BPI: variants seen among roughly 807,000 people sequenced by gnomAD.
The protein encoded by BPI is bactericidal permeability increasing protein.
In BPI, 48 loss-of-function variants were observed where a neutral mutation model predicts 57.6. The observed-to-expected ratio is 0.83, with a 90% CI of 0.66 to 1.06. BPI has a LOEUF of 1.06. Ranked by LOEUF, BPI falls within the 50% of genes least tolerant of loss-of-function variation. The probability of loss-of-function intolerance (pLI) is 0.00; values close to 1 mark genes in which losing one functional copy is unlikely to be tolerated. For missense variants in BPI, 651 were observed against 609.7 expected, an observed-to-expected ratio of 1.07 and a Z score of -0.71; for synonymous variants, 237 against 238.2, an observed-to-expected ratio of 0.99 and a Z score of 0.05.
chr20:38,316,720 C>A (rs545233232), intron 5 of BPI, among the ~76,000 whole-genome samples: 1 of 152,142 alleles, frequency 6.6e-6, no homozygotes, highest in African/African-American at 2.4e-5. Context: ...GTCCCAGAAG[C>A]GGGAAGAAGG....
At chr20:38,318,730 C>A (rs533494568) in intron 6 of BPI, among the ~76,000 whole-genome samples, 4 of 152,278 alleles carry the variant, frequency 2.6e-5, no homozygotes, top group African/African-American at 9.6e-5. Context: ...CAACAAAATA[C>A]CCCCAGCTCT....
chr20:38,304,440 C>G (rs2076587663), intron 1 of BPI, 87 bp downstream of exon 1: 8 of 1,524,024 alleles, frequency 5.2e-6, no homozygotes, highest in Admixed American at 2.1e-5. Context: ...GATCCAGCAC[C>G]TGGCACACTC....
In BPI at chr20:38,311,954, GC is replaced by G; in HGVS notation, c.600+21del. ...AACAGCCAGGTAGGAGGGGCTCAGA[GC>G]CCCATCAGCAAACAGAGGAGAAGGG... On this transcript the variant is annotated intron_variant, in intron 5 of 14. Transcript: ENST00000642449. The G allele has an allele frequency of 6.2e-7, 1 of 1,612,774 alleles. No individual in the cohort carries two copies. Among genetic ancestry groups the G allele is most frequent in the Non-Finnish European group, 8.5e-7 (1 of 1,179,118 alleles).
chr20:38,334,053 A>G (rs563884161), intron 12 of BPI, among the ~76,000 whole-genome samples: 1 of 152,278 alleles, frequency 6.6e-6, no homozygotes, highest in Admixed American at 6.5e-5. Flanking sequence ...AATAGCCGTC[A>G]AAGAGGTTGA....
Position 38,327,670 on chromosome 20 carries a change from G to T in BPI, c.1229+15G>T. The T allele has an allele frequency of 6.2e-7, 1 of 1,613,138 alleles. No individual in the cohort carries two copies. Among genetic ancestry groups the T allele is most frequent in the East Asian group, 2.2e-5 (1 of 44,840 alleles). ...AAGCTGGATAGGTAAGTGGGCCTGT[G>T]AGAGGAGGAGGGGGCTGCCCCTCTG... On this transcript the variant is annotated intron_variant, in intron 11 of 14. Transcript: ENST00000642449.
chr20:38,317,524 C>G (rs1283987376), intron 5 of BPI: 1 of 633,278 alleles, frequency 1.6e-6, no homozygotes, highest in East Asian at 2.8e-5. Flanking sequence ...CATGGTCTCT[C>G]CACAGGGCTT....
rs1045515504 is a variant in BPI, at chr20:38,304,365, C to T, written c.130+12C>T. On this transcript the variant is annotated intron_variant, in intron 1 of 14. Transcript: ENST00000642449. ...GGGCCTGGACTACGGTAACTGGATG[C>T]CTCCCTTCCCTCCTCTCCACCCCTG... The T allele has an allele frequency of 3.7e-6, 6 of 1,611,062 alleles. No individual in the cohort carries two copies. The highest frequency in any genetic ancestry group is 1.3e-5 in the African/African-American group (1 of 74,886).
intron 1 of BPI, among the ~76,000 whole-genome samples, chr20:38,307,007 C>T (rs1056972483): frequency 4.1e-4 from 62 of 152,014 alleles, no homozygotes; most frequent in African/African-American, 1.4e-3. Context: ...CATGGTGAAA[C>T]CCCAGATCTC....
At chr20:38,325,043 G>A (rs1456552430) in intron 9 of BPI, among the ~76,000 whole-genome samples, 2 of 152,222 alleles carry the variant, frequency 1.3e-5, no homozygotes, top group Admixed American at 1.3e-4. Context: ...ATGCTGGCAG[G>A]AGGTGGAGGG....
intron 6 of BPI, 44 bp from the exon 7 acceptor site, chr20:38,320,139 G>A (rs1462221149): frequency 1.3e-6 from 2 of 1,501,724 alleles, no homozygotes; most frequent in Admixed American, 1.7e-5. Flanking sequence ...TTCCAGCGAT[G>A]CTGCCGTGGG....
In BPI at chr20:38,327,740, G is replaced by C; in HGVS notation, c.1229+85G>C. On this transcript the variant is annotated intron_variant, in intron 11 of 14. Coordinates refer to ENST00000642449, the MANE Select transcript of BPI (RefSeq NM_001725.3). ...GACAGTGGTCCTGTGATATACAGAAGCACTGCATTGTTGTTTTCCTGTTGG... is the reference window on the plus strand; with the variant it reads ...GACAGTGGTCCTGTGATATACAGAACCACTGCATTGTTGTTTTCCTGTTGG... 2.1e-6 allele frequency: 3 copies of C among 1,455,138 alleles called. No individual in the cohort carries two copies. In the South Asian group the frequency reaches 3.5e-5, roughly 17 times the overall value. The allele number at this position is 1,455,138 out of a possible 1,614,324, so 90.1% of individuals were successfully genotyped here.
intron 4 of BPI, among the ~76,000 whole-genome samples, chr20:38,311,603 G>C (rs952556727): frequency 6.6e-6 from 1 of 152,220 alleles, no homozygotes; most frequent in African/African-American, 2.4e-5. Context: ...TGGCAGGCCA[G>C]TGTGGCTAGT....
chr20:38,322,350 A>G (rs1339547791), intron 7 of BPI, among the ~76,000 whole-genome samples: 1 of 152,232 alleles, frequency 6.6e-6, no homozygotes, highest in Non-Finnish European at 1.5e-5. Flanking sequence ...AGACCAAAAG[A>G]TTAAAACAAT....
chr20:38,332,210 G>A (rs755274868), intron 12 of BPI, among the ~76,000 whole-genome samples: 4 of 152,186 alleles, frequency 2.6e-5, no homozygotes, highest in Non-Finnish European at 5.9e-5. Flanking sequence ...GTGTTGCACA[G>A]GCAGTGAGAA....
chr20:38,332,504 C>T (rs746571605), intron 12 of BPI, among the ~76,000 whole-genome samples: 13 of 152,284 alleles, frequency 8.5e-5, no homozygotes, highest in Middle Eastern at 3.4e-3. Flanking sequence ...TGCACACCTT[C>T]TTTTGCACCC....
chr20:38,309,616 C>T (rs1037519030), intron 3 of BPI, among the ~76,000 whole-genome samples: 1 of 152,208 alleles, frequency 6.6e-6, no homozygotes, highest in African/African-American at 2.4e-5. Flanking sequence ...AATCATTTCA[C>T]GTGGCCAAGC....
At chr20:38,307,426 C>T in intron 1 of BPI, 141 bp from the exon 2 acceptor site, 1 of 594,100 alleles carries the variant, frequency 1.7e-6, no homozygotes. Flanking sequence ...TCTAGGAAAC[C>T]TTAATTGATC....
intron 10 of BPI, among the ~76,000 whole-genome samples, chr20:38,326,919 T>C (rs575023582): frequency 6.6e-6 from 1 of 152,380 alleles, no homozygotes; most frequent in Non-Finnish European, 1.5e-5. Context: ...ATTTGTATAT[T>C]TGTTCATTTA....
intron 8 of BPI, 25 bp downstream of exon 8, chr20:38,324,071 T>G: frequency 6.2e-7 from 1 of 1,610,734 alleles, no homozygotes; most frequent in South Asian, 1.1e-5. Context: ...TGGGTGGGTG[T>G]GGGAAGAGCA....
Sources: gnomAD v4.1 joint callset for allele counts (sites outside exome capture counted in the v4.1 genomes callset) on GRCh38, gnomAD v4.1.1 for gene constraint, MANE v1.5 for transcripts, NCBI Gene and HGNC (gene_info 2026-07-23, HGNC 2026-07-21) for gene names.